The following IGSF11 variants were observed in gnomAD, a reference collection of about 807,000 sequenced individuals.
IGSF11 encodes immunoglobulin superfamily member 11, also known as CXADR like 1.
In IGSF11, 22 loss-of-function variants were observed where a neutral mutation model predicts 41.0. The observed-to-expected ratio is 0.54, with a 90% CI of 0.38 to 0.77. IGSF11 has a LOEUF of 0.77. Among genes scored for constraint, IGSF11 ranks in the 30% least tolerant of loss-of-function variants. The pLI is 0.00. For missense variants in IGSF11, 444 were observed against 530.8 expected, an observed-to-expected ratio of 0.84 and a Z score of 1.61; for synonymous variants, 219 against 201.3, an observed-to-expected ratio of 1.09 and a Z score of -0.74.
At chr3:118,960,805 A>C (rs1945289405) in intron 1 of IGSF11, among the ~76,000 whole-genome samples, 1 of 152,310 alleles carries the variant, frequency 6.6e-6, no homozygotes, top group Middle Eastern at 3.4e-3. Flanking sequence ...TTACAAATTT[A>C]CTTTTGAAAC....
chr3:119,001,294 A>G (rs1936811514), intron 1 of IGSF11, among the ~76,000 whole-genome samples: 1 of 150,800 alleles, frequency 6.6e-6, no homozygotes, highest in Non-Finnish European at 1.5e-5. Context: ...ACTTACTTAT[A>G]TTTATTTTCT....
At chr3:119,004,072 G>A (rs1227133082) in intron 1 of IGSF11, among the ~76,000 whole-genome samples, 1 of 151,294 alleles carries the variant, frequency 6.6e-6, no homozygotes, top group African/African-American at 2.4e-5. Flanking sequence ...GGTAGAATTC[G>A]GCTGTGAATC....
intron 1 of IGSF11, among the ~76,000 whole-genome samples, chr3:118,999,083 G>A (rs1478197422): frequency 4.0e-5 from 6 of 151,788 alleles, no homozygotes; most frequent in African/African-American, 1.5e-4. Context: ...ACTGTATATG[G>A]GTAATATAAC....
chr3:118,959,096 AG>A (rs1945158927), intron 1 of IGSF11, among the ~76,000 whole-genome samples: 1 of 152,226 alleles, frequency 6.6e-6, no homozygotes, highest in Non-Finnish European at 1.5e-5. Context: ...ACATCATATT[AG>A]ATGTTAAAGC....
intron 1 of IGSF11, among the ~76,000 whole-genome samples, chr3:119,096,174 G>A (rs548432100): frequency 6.6e-6 from 1 of 152,088 alleles, no homozygotes; most frequent in Non-Finnish European, 1.5e-5. Context: ...ACAGTGACTT[G>A]GCTTTCAAGC....
At chr3:119,031,397 G>T (rs1325956576) in intron 1 of IGSF11, among the ~76,000 whole-genome samples, 1 of 152,186 alleles carries the variant, frequency 6.6e-6, no homozygotes, top group African/African-American at 2.4e-5. Flanking sequence ...TGCAACTAAA[G>T]AATCTTTTGC....
chr3:119,084,302 C>T (rs2076634988), intron 1 of IGSF11, among the ~76,000 whole-genome samples: 1 of 151,904 alleles, frequency 6.6e-6, no homozygotes, highest in South Asian at 2.1e-4. Flanking sequence ...GTGTGGGGTG[C>T]CTAAATGCTA....
intron 1 of IGSF11, among the ~76,000 whole-genome samples, chr3:119,004,787 T>C (rs1351124523): frequency 1.3e-5 from 2 of 151,410 alleles, no homozygotes; most frequent in African/African-American, 2.4e-5. Context: ...GTGAGATTCT[T>C]AATCCTGAGT....
At chr3:118,996,394 T>C (rs1936270915) in intron 1 of IGSF11, among the ~76,000 whole-genome samples, 1 of 152,170 alleles carries the variant, frequency 6.6e-6, no homozygotes, top group Non-Finnish European at 1.5e-5. Context: ...TATCCACCAC[T>C]TCCATCACCA....
upstream of IGSF11, among the ~76,000 whole-genome samples, chr3:119,038,921 T>C (rs1342824669): frequency 6.6e-6 from 1 of 152,230 alleles, no homozygotes; most frequent in East Asian, 1.9e-4. Context: ...TGTGAGATTA[T>C]ATATTTTTAT....
At chr3:119,050,522 A>G (rs922347518) in intron 1 of IGSF11, among the ~76,000 whole-genome samples, 7 of 151,806 alleles carry the variant, frequency 4.6e-5, no homozygotes, top group African/African-American at 1.5e-4. Context: ...ATGTGGAGAA[A>G]TAGGAACACT....
chr3:119,003,725 TG>T (rs1410984785), intron 1 of IGSF11, among the ~76,000 whole-genome samples: 6 of 152,088 alleles, frequency 3.9e-5, no homozygotes, highest in Admixed American at 1.3e-4. Flanking sequence ...GATAATCATG[TG>T]GTTTTTGTCT....
intron 4 of IGSF11, among the ~76,000 whole-genome samples, chr3:118,909,369 CAAT>C (rs1217064417): frequency 1.3e-5 from 2 of 151,616 alleles, no homozygotes; most frequent in Admixed American, 6.6e-5. Context: ...TTATATATTT[CAAT>C]AATATGTAAA....
At chr3:119,113,369 A>G (rs1447579615) in intron 1 of IGSF11, among the ~76,000 whole-genome samples, 1 of 152,218 alleles carries the variant, frequency 6.6e-6, no homozygotes, top group Non-Finnish European at 1.5e-5. Flanking sequence ...ACAAGATACA[A>G]TGAGGATATG....
chr3:119,132,256 CA>C (rs1168470519), intron 1 of IGSF11, among the ~76,000 whole-genome samples: 1 of 151,318 alleles, frequency 6.6e-6, no homozygotes, highest in Non-Finnish European at 1.5e-5. Context: ...CACAGACTGG[CA>C]AATTGGATAA....
Position 118,933,489 on chromosome 3 carries a change from T to TATATAC in IGSF11, c.53-3215_53-3214insGTATAT, listed in dbSNP as rs561820742. Reference sequence around the variant, plus strand: ...TATTTTTTATATATATATATATATATACACACACACACACATATGTATACA... The same window carrying TATATAC: ...TATTTTTTATATATATATATATATATATATACACACACACACACACATATGTATACA... On this transcript the variant is annotated intron_variant, in intron 1 of 6. Coordinates refer to ENST00000393775, the MANE Select transcript of IGSF11 (RefSeq NM_001015887.3). Among the ~76,000 whole-genome samples, 58 of 148,804 alleles carry TATATAC rather than the reference T, an allele frequency of 3.9e-4. 1 individual carries two copies. The highest frequency in any genetic ancestry group is 9.9e-4 in the African/African-American group (40 of 40,338).
At chr3:119,071,963 A>G (rs2107467536) in intron 1 of IGSF11, among the ~76,000 whole-genome samples, 1 of 152,330 alleles carries the variant, frequency 6.6e-6, no homozygotes, top group Middle Eastern at 3.4e-3. Context: ...TGATCCACAA[A>G]CATGGAATGT....
At chr3:119,044,001 G>T (rs774805322) in intron 1 of IGSF11, among the ~76,000 whole-genome samples, 22 of 152,036 alleles carry the variant, frequency 1.4e-4, no homozygotes, top group Admixed American at 1.3e-4. Context: ...ACAAAACAAG[G>T]TTCTATTAAC....
At chr3:118,981,454 T>C (rs565990648) in intron 1 of IGSF11, among the ~76,000 whole-genome samples, 1 of 152,296 alleles carries the variant, frequency 6.6e-6, no homozygotes, top group South Asian at 2.1e-4. Context: ...TCAGCCACTG[T>C]GCTCAGCTTT....
Sources: gnomAD v4.1 joint callset for allele counts (sites outside exome capture counted in the v4.1 genomes callset) on GRCh38, gnomAD v4.1.1 for gene constraint, MANE v1.5 for transcripts, NCBI Gene and HGNC (gene_info 2026-07-23, HGNC 2026-07-21) for gene names.